NRXN1: variants seen among roughly 807,000 people sequenced by gnomAD.
NRXN1 encodes the protein neurexin-1.
In NRXN1, 39 loss-of-function variants were observed where a neutral mutation model predicts 150.9. The observed-to-expected ratio is 0.26, with a 90% CI of 0.20 to 0.34. NRXN1 has a LOEUF of 0.34. Among genes scored for constraint, NRXN1 ranks in the 10% least tolerant of loss-of-function variants. The pLI is 1.00. For missense variants in NRXN1, 1,815 were observed against 1,949.9 expected (o/e 0.93, Z 1.30); for synonymous variants, 924 against 757.0 (o/e 1.22, Z -3.62).
chr2:50,196,844 G>A (rs1049088491), intron 18 of NRXN1, among the ~76,000 whole-genome samples: 5 of 152,124 alleles, frequency 3.3e-5, no homozygotes, highest in Non-Finnish European at 7.3e-5. Flanking sequence ...ACTTATTAGT[G>A]GGAGCTAAAT....
At chr2:50,554,501 T>C (rs1020375037) in intron 8 of NRXN1, 1 of 152,138 alleles carries the variant, frequency 6.6e-6, no homozygotes, top group Non-Finnish European at 1.5e-5. Flanking sequence ...GAAAGGAAAA[T>C]AATACTTCAC....
intron 8 of NRXN1, among the ~76,000 whole-genome samples, chr2:50,596,932 T>A (rs1187693828): frequency 7.3e-6 from 1 of 137,288 alleles, no homozygotes; most frequent in Non-Finnish European, 1.5e-5. Flanking sequence ...TGTGGCACGA[T>A]CACAGTGCGG....
At chr2:50,329,119 T>TAAA in intron 17 of NRXN1, among the ~76,000 whole-genome samples, 1 of 151,864 alleles carries the variant, frequency 6.6e-6, no homozygotes, top group Admixed American at 6.6e-5. Context: ...TAAACAAAAT[T>TAAA]AAAAGGTATG....
intron 17 of NRXN1, among the ~76,000 whole-genome samples, chr2:50,413,444 G>C (rs1316321418): frequency 6.6e-6 from 1 of 152,068 alleles, no homozygotes; most frequent in Non-Finnish European, 1.5e-5. Context: ...CAGATCATCG[G>C]AGAAATGGGA....
chr2:50,522,573 T>C (rs2092817140), intron 12 of NRXN1, among the ~76,000 whole-genome samples: 1 of 152,106 alleles, frequency 6.6e-6, no homozygotes, highest in African/African-American at 2.4e-5. Flanking sequence ...GCAATCTACT[T>C]TTCAACCACT....
chr2:50,321,020 A>G (rs909985026), intron 17 of NRXN1, among the ~76,000 whole-genome samples: 8 of 152,198 alleles, frequency 5.3e-5, no homozygotes, highest in African/African-American at 1.9e-4. Flanking sequence ...CCAGGCATTC[A>G]GGATTGATTA....
chr2:50,404,419 A>G (rs1024688673), intron 17 of NRXN1, among the ~76,000 whole-genome samples: 9 of 152,052 alleles, frequency 5.9e-5, no homozygotes, highest in Non-Finnish European at 8.8e-5. Flanking sequence ...CCTAGTGGAA[A>G]CCCACTGAGT....
rs1199176636 is a variant in NRXN1 at position 50,528,635 on chromosome 2, G to C, written c.2364C>G (p.Asn788Lys). 1 of 1,547,906 alleles carries C rather than the reference G, an allele frequency of 6.5e-7. No homozygotes were observed. Among genetic ancestry groups the C allele is most frequent in the Non-Finnish European group, 8.9e-7 (1 of 1,126,742 alleles). ...TGAATAGGCACTTACTGGAATTACA[G>C]TTAATCCTGATACAATCTAGATGGG... ...LTVNLDCIRI[N>K]CNSSKGPETL... The change falls in exon 12 of 23, where the codon AAC (asparagine) becomes AAG (lysine). Residue 788 changes from asparagine (N) to lysine (K), a missense_variant. Asn to Lys is a moderately conservative substitution (Grantham distance 94). Coordinates refer to ENST00000401669, the MANE Select transcript of NRXN1 (RefSeq NM_001330078.2).
At chr2:50,889,048 C>T (rs1680675548) in intron 5 of NRXN1, among the ~76,000 whole-genome samples, 1 of 151,684 alleles carries the variant, frequency 6.6e-6, no homozygotes, top group Non-Finnish European at 1.5e-5. Flanking sequence ...CTAACCTTAA[C>T]ACAGACAGCA....
chr2:50,480,173 T>C (rs942901712), intron 15 of NRXN1, among the ~76,000 whole-genome samples: 4 of 152,210 alleles, frequency 2.6e-5, no homozygotes, highest in African/African-American at 9.6e-5. Flanking sequence ...TGTAACTTGA[T>C]AGAGTAATAC....
intron 17 of NRXN1, among the ~76,000 whole-genome samples, chr2:50,402,853 A>G (rs1254545729): frequency 6.6e-6 from 1 of 152,042 alleles, no homozygotes; most frequent in African/African-American, 2.4e-5. Flanking sequence ...TGCAATTAGT[A>G]ATAATAATAA....
intron 18 of NRXN1, among the ~76,000 whole-genome samples, chr2:50,124,821 C>T (rs1316683868): frequency 1.3e-5 from 2 of 152,130 alleles, no homozygotes; most frequent in African/African-American, 4.8e-5. Flanking sequence ...TTTCTTCTCA[C>T]TACCACATCT....
intron 18 of NRXN1, among the ~76,000 whole-genome samples, chr2:50,118,373 G>A (rs1357133969): frequency 1.3e-5 from 2 of 151,996 alleles, no homozygotes; most frequent in East Asian, 1.9e-4. Context: ...CGTGGATAGG[G>A]TCAGTCTTTT....
At chr2:50,618,673 T>C (rs867471375) in intron 8 of NRXN1, among the ~76,000 whole-genome samples, 3 of 151,818 alleles carry the variant, frequency 2.0e-5, no homozygotes, top group Non-Finnish European at 4.4e-5. Context: ...GTCTGAAACA[T>C]GCAGATAATA....
chr2:50,667,535 G>A (rs1157636485), intron 5 of NRXN1, among the ~76,000 whole-genome samples: 2 of 151,932 alleles, frequency 1.3e-5, no homozygotes, highest in Non-Finnish European at 2.9e-5. Flanking sequence ...ATAATGACCA[G>A]GATAGAATGT....
chr2:50,620,910 C>A lies in NRXN1; in HGVS notation c.1158+316G>T, dbSNP rs931273560. On this transcript the variant is annotated intron_variant, in intron 7 of 22. Coordinates refer to ENST00000401669, the MANE Select transcript of NRXN1 (RefSeq NM_001330078.2). The stretch of plus-strand genomic sequence containing the variant: ...GCCATGCATCATGAATGGTTAGAGA[C>A]TGGCTGAGCTGCGGTCACTCGGGCC... The A allele has an allele frequency of 2.0e-4, 33 of 168,074 alleles. 1 individual carries two copies. The highest frequency in any genetic ancestry group is 5.8e-4 in the Admixed American group (3 of 5,206). 10.4% of individuals were successfully genotyped at this position (168,074 alleles called of 1,614,324 possible).
rs977364540 is a variant in NRXN1 at position 50,274,751 on chromosome 2, C to G, written c.3365-37781G>C. Among the ~76,000 whole-genome samples the G allele has an allele frequency of 3.3e-5, 5 of 151,720 alleles. 1 individual carries two copies. The highest frequency in any genetic ancestry group is 3.3e-4 in the Admixed American group (5 of 15,226). On this transcript the variant is annotated intron_variant, in intron 17 of 22. Coordinates refer to ENST00000401669, the MANE Select transcript of NRXN1 (RefSeq NM_001330078.2). ...CCAAAGTCCACAATGTAAATGTTAA[C>G]AAATTATAGTCAAAAATGCCTTTCA...
At chr2:50,634,063 G>A (rs1329061752) in intron 5 of NRXN1, among the ~76,000 whole-genome samples, 10 of 152,198 alleles carry the variant, frequency 6.6e-5, no homozygotes, top group Admixed American at 5.9e-4. Context: ...GGCAATGTGG[G>A]AATACAATGA....
chr2:50,532,692 T>C (rs1235921822), intron 10 of NRXN1, among the ~76,000 whole-genome samples: 1 of 152,122 alleles, frequency 6.6e-6, no homozygotes, highest in Non-Finnish European at 1.5e-5. Context: ...AGGATGTTTG[T>C]TACTAAACTA....
Sources: allele counts gnomAD v4.1 joint callset (sites outside exome capture counted in the v4.1 genomes callset), GRCh38; gene constraint gnomAD v4.1.1; transcripts MANE v1.5; gene names NCBI Gene and HGNC (gene_info 2026-07-23, HGNC 2026-07-21).